The following KALRN variants were observed in gnomAD, a reference collection of about 807,000 sequenced individuals.
KALRN encodes the protein kalirin.
In KALRN, 70 loss-of-function variants were observed where a neutral mutation model predicts 353.7. The observed-to-expected ratio is 0.20, with a 90% CI of 0.16 to 0.24. The LOEUF is 0.24. Ranked by LOEUF, KALRN falls within the 10% of genes least tolerant of loss-of-function variation. The pLI is 1.00. For missense variants in KALRN, 2,791 were observed against 3,756.7 expected, an observed-to-expected ratio of 0.74 and a Z score of 6.72; for synonymous variants, 1,391 against 1,434.8, an observed-to-expected ratio of 0.97 and a Z score of 0.69.
chr3:124,592,518 T>C (rs781171453), intron 34 of KALRN, among the ~76,000 whole-genome samples: 2 of 152,206 alleles, frequency 1.3e-5, no homozygotes, highest in Admixed American at 6.5e-5. Flanking sequence ...GCAATATCAT[T>C]GGAAACGTTT....
intron 14 of KALRN, among the ~76,000 whole-genome samples, chr3:124,422,221 A>G (rs1187777730): frequency 6.6e-6 from 1 of 152,184 alleles, no homozygotes; most frequent in East Asian, 1.9e-4. Flanking sequence ...TATTTCTAAC[A>G]GTGCCTTTTT....
intron 1 of KALRN, among the ~76,000 whole-genome samples, chr3:124,079,582 A>G (rs1464394702): frequency 1.3e-5 from 2 of 152,198 alleles, no homozygotes; most frequent in Non-Finnish European, 2.9e-5. Flanking sequence ...ATGAGACTAC[A>G]TTGATTGAAA....
intron 1 of KALRN, among the ~76,000 whole-genome samples, chr3:124,198,368 A>G (rs889368274): frequency 6.6e-6 from 1 of 152,228 alleles, no homozygotes; most frequent in African/African-American, 2.4e-5. Context: ...TAGCAACTTA[A>G]GTTTATTGTA....
At chr3:124,664,213 T>C (rs1437236738) in intron 45 of KALRN, among the ~76,000 whole-genome samples, 1 of 152,134 alleles carries the variant, frequency 6.6e-6, no homozygotes, top group Non-Finnish European at 1.5e-5. Context: ...CCATGTTTTC[T>C]GAACAGGAGT....
At chr3:124,375,529 T>C (rs1222725318) in intron 10 of KALRN, among the ~76,000 whole-genome samples, 4 of 152,190 alleles carry the variant, frequency 2.6e-5, no homozygotes, top group Non-Finnish European at 5.9e-5. Flanking sequence ...GACAGAATCT[T>C]TCCCTGCTAT....
chr3:124,582,205 G>C (rs1013202079), intron 34 of KALRN, among the ~76,000 whole-genome samples: 2 of 152,098 alleles, frequency 1.3e-5, no homozygotes, highest in African/African-American at 4.8e-5. Flanking sequence ...ATTTTTAGTA[G>C]AGATGGGGTT....
intron 1 of KALRN, among the ~76,000 whole-genome samples, chr3:124,093,430 GGGGACTCCTCA>G (rs1164015459): frequency 1.3e-5 from 2 of 152,218 alleles, no homozygotes; most frequent in African/African-American, 4.8e-5. Flanking sequence ...TCCTAGACCT[GGGGACTCCTCA>G]GGTTTCATTT....
intron 1 of KALRN, among the ~76,000 whole-genome samples, chr3:124,219,175 G>C (rs1487465290): frequency 6.6e-6 from 1 of 152,220 alleles, no homozygotes; most frequent in Non-Finnish European, 1.5e-5. Flanking sequence ...TGTGTACCAA[G>C]CACTAAAGTC....
chr3:124,607,796 A>G (rs2077505544), intron 34 of KALRN, among the ~76,000 whole-genome samples: 1 of 151,950 alleles, frequency 6.6e-6, no homozygotes, highest in Non-Finnish European at 1.5e-5. Context: ...TTGTATTTTT[A>G]GTAGAGACAC....
chr3:124,076,847 C>T (rs2060284627), intron 1 of KALRN, among the ~76,000 whole-genome samples: 1 of 152,214 alleles, frequency 6.6e-6, no homozygotes, highest in South Asian at 2.1e-4. Context: ...TGTTGCCAGA[C>T]CTTCCTGCTT....
At chr3:124,556,813 T>C (rs563215591) in intron 33 of KALRN, among the ~76,000 whole-genome samples, 2 of 152,188 alleles carry the variant, frequency 1.3e-5, no homozygotes, top group Admixed American at 6.5e-5. Flanking sequence ...TTACCCAGAG[T>C]GCACCACCCA....
At chr3:124,119,690 G>T (rs2063785319) in intron 1 of KALRN, among the ~76,000 whole-genome samples, 1 of 152,206 alleles carries the variant, frequency 6.6e-6, no homozygotes, top group African/African-American at 2.4e-5. Context: ...ATTGTGTCTG[G>T]AATAGAAAAT....
intron 33 of KALRN, among the ~76,000 whole-genome samples, chr3:124,510,154 G>A (rs1351124581): frequency 1.3e-5 from 2 of 152,316 alleles, no homozygotes; most frequent in Non-Finnish European, 1.5e-5. Flanking sequence ...GGGCAAGAGA[G>A]AGATCTAGAA....
rs1315562394 is a variant in KALRN, at chr3:124,720,130, A to C, written c.*660A>C. 1 of 152,634 alleles carries C rather than the reference A, an allele frequency of 6.6e-6. No individual in the cohort carries two copies. Among genetic ancestry groups the C allele is most frequent in the African/African-American group, 2.4e-5 (1 of 41,450 alleles). 9.5% of individuals were successfully genotyped at this position (152,634 alleles called of 1,614,324 possible). ...GAGCATTTTATAGATCTTGTATAGAAATCTTTTACCAGAACCTGTGCATTA... is the reference window on the plus strand; with the variant it reads ...GAGCATTTTATAGATCTTGTATAGACATCTTTTACCAGAACCTGTGCATTA... On this transcript the variant is annotated 3_prime_UTR_variant, in exon 60 of 60. Coordinates refer to ENST00000682506, the MANE Select transcript of KALRN (RefSeq NM_001388419.1).
intron 34 of KALRN, among the ~76,000 whole-genome samples, chr3:124,593,213 TAA>T (rs140472157): frequency 0.017 from 2,519 of 152,324 alleles, 55 homozygotes; most frequent in African/African-American, 0.056. Flanking sequence ...CCTTGTTGTT[TAA>T]AAGAATTGCA....
intron 3 of KALRN, among the ~76,000 whole-genome samples, chr3:124,263,652 G>A (rs1044215278): frequency 1.3e-5 from 2 of 152,140 alleles, no homozygotes; most frequent in African/African-American, 2.4e-5. Context: ...TAAATACAAT[G>A]GTGATAAATA....
At chr3:124,200,710 C>G (rs373733023) in intron 1 of KALRN, among the ~76,000 whole-genome samples, 10 of 152,288 alleles carry the variant, frequency 6.6e-5, no homozygotes, top group African/African-American at 2.2e-4. Context: ...GGGGTTACAT[C>G]TGGGAGCCTG....
chr3:124,577,459 A>C (rs1326424446), intron 34 of KALRN, among the ~76,000 whole-genome samples: 1 of 152,210 alleles, frequency 6.6e-6, no homozygotes, highest in Non-Finnish European at 1.5e-5. Flanking sequence ...AGACCACACT[A>C]AACAGAGATA....
chr3:124,122,223 A>T (rs2064110093), intron 1 of KALRN, among the ~76,000 whole-genome samples: 1 of 152,204 alleles, frequency 6.6e-6, no homozygotes, highest in Admixed American at 6.5e-5. Flanking sequence ...TGCAGTCTGC[A>T]GTGCTGGTGG....
Sources: allele counts gnomAD v4.1 joint callset (sites outside exome capture counted in the v4.1 genomes callset), GRCh38; gene constraint gnomAD v4.1.1; transcripts MANE v1.5; gene names NCBI Gene and HGNC (gene_info 2026-07-23, HGNC 2026-07-21).